The following FANCD2 variants were observed in gnomAD, a reference collection of about 807,000 sequenced individuals.
FANCD2 encodes FA complementation group D2.
In FANCD2, 131 loss-of-function variants were observed where a neutral mutation model predicts 192.3. The ratio of observed to expected loss-of-function variants is 0.68; its 90% CI spans 0.59 to 0.79. The LOEUF (loss-of-function observed/expected upper bound fraction) is 0.79, where lower values mean the gene tolerates loss of function less well. Ranked by LOEUF, FANCD2 falls within the 30% of genes least tolerant of loss-of-function variation. FANCD2 has a pLI of 0.00. For synonymous variants in FANCD2, 524 were observed against 612.5 expected, an observed-to-expected ratio of 0.86 and a Z score of 2.13; for missense variants, 1,508 against 1,701.6, an observed-to-expected ratio of 0.89 and a Z score of 2.00.
intron 7 of FANCD2, among the ~76,000 whole-genome samples, chr3:10,037,256 A>G (rs545076116): frequency 6.6e-6 from 1 of 152,242 alleles, no homozygotes; most frequent in Non-Finnish European, 1.5e-5. Flanking sequence ...CAATTTTGTT[A>G]GCAATCAAAG....
At chr3:10,074,483 A>C (rs899439910) in intron 28 of FANCD2, 47 bp from the exon 29 acceptor site, 18 of 1,546,718 alleles carry the variant, frequency 1.2e-5, no homozygotes, top group African/African-American at 2.8e-5. Flanking sequence ...AATTCGATTA[A>C]TATAGAAGAT....
intron 10 of FANCD2, among the ~76,000 whole-genome samples, chr3:10,042,247 C>G (rs752581355): frequency 2.4e-4 from 36 of 152,242 alleles, no homozygotes; most frequent in African/African-American, 5.8e-4. Flanking sequence ...TCCATGTTGT[C>G]TGAGTCATAC....
rs1434885226 is a variant in FANCD2 at position 10,073,255 on chromosome 3, A to G, written c.2608A>G (p.Arg870Gly). ...CTTTTCTCTTTTTAATATAAAAGAA[A>G]GGAAACAAAAAACAGATGGCAGCAA... is the stretch of plus-strand genomic sequence containing the variant. ...AKIRKKGKIE[R>G]KQKTDGSKTS... is the part of the protein sequence containing the mutation. Residue 870 changes from arginine to glycine, a missense_variant and splice_region_variant, in exon 28 of 44, where the codon AGG (arginine) becomes GGG (glycine). Around this residue, in one of 5 missense-constraint regions of FANCD2, gnomAD observed 796 missense variants for 879.4 expected, o/e 0.91. Coordinates refer to ENST00000675286, the MANE Select transcript of FANCD2 (RefSeq NM_001018115.3). The G allele has an allele frequency of 1.2e-6, 2 of 1,612,476 alleles. No homozygotes were observed. Among genetic ancestry groups the G allele is most frequent in the Non-Finnish European group, 1.7e-6 (2 of 1,178,660 alleles).
At chr3:10,045,053 G>A (rs554229234) in intron 14 of FANCD2, among the ~76,000 whole-genome samples, 8 of 118,428 alleles carry the variant, frequency 6.8e-5, no homozygotes, top group East Asian at 4.2e-4. Flanking sequence ...AATTTTTTTT[G>A]TTTTTTCTTG....
At chr3:10,089,697 A>C (rs34417922) in intron 36 of FANCD2, among the ~76,000 whole-genome samples, 2 of 152,160 alleles carry the variant, frequency 1.3e-5, no homozygotes, top group Admixed American at 1.3e-4. Context: ...CTTGAACCCA[A>C]CCTCAGGTGA....
chr3:10,028,150 G>A (rs1364471601), intron 1 of FANCD2, among the ~76,000 whole-genome samples: 6 of 151,820 alleles, frequency 4.0e-5, no homozygotes, highest in Admixed American at 6.6e-5. Context: ...TTCCTAGTAA[G>A]CCCTCATAGA....
intron 42 of FANCD2, among the ~76,000 whole-genome samples, chr3:10,097,419 C>G (rs538998482): frequency 6.6e-6 from 1 of 152,176 alleles, no homozygotes; most frequent in Non-Finnish European, 1.5e-5. Flanking sequence ...AGTTCAGAGA[C>G]CTACCCCTAG....
chr3:10,100,968 C>T (rs1695265178), intron 43 of FANCD2, among the ~76,000 whole-genome samples: 2 of 151,908 alleles, frequency 1.3e-5, no homozygotes, highest in Non-Finnish European at 2.9e-5. Flanking sequence ...ACTTGGGAGG[C>T]TGAGGCAGGG....
intron 16 of FANCD2, among the ~76,000 whole-genome samples, chr3:10,048,510 G>A (rs1169672058): frequency 5.9e-5 from 9 of 152,120 alleles, no homozygotes. Flanking sequence ...TCACCATGTT[G>A]GCCAGGCTGG....
At chr3:10,043,235 G>A (rs906082278) in intron 12 of FANCD2, 85 bp downstream of exon 12, 1 of 979,328 alleles carries the variant, frequency 1.0e-6, no homozygotes, top group Admixed American at 1.8e-5. Context: ...TACAAATAAT[G>A]ATACTATTAT....
intron 29 of FANCD2, among the ~76,000 whole-genome samples, chr3:10,077,394 A>G (rs1009588532): frequency 1.3e-5 from 2 of 152,052 alleles, no homozygotes; most frequent in African/African-American, 4.8e-5. Context: ...ATTTCTACTA[A>G]AAATACAAAA....
At position 10,094,404 on chromosome 3, in the gene FANCD2, G is replaced by A. The variant is rs756690093; in HGVS notation, c.3963+41G>A. On this transcript the variant is annotated intron_variant, in intron 40 of 43. Transcript: ENST00000675286. The stretch of plus-strand genomic sequence containing the variant: ...AGAGAACAAAGATATGCACTGAAGA[G>A]TTGCTCAGAAGATATGTCCTTGGTG... The A allele has an allele frequency of 6.5e-6, 10 of 1,537,190 alleles. No individual in the cohort carries two copies. In the Middle Eastern group the frequency reaches 1.0e-3, roughly 155 times the overall value.
intron 30 of FANCD2, among the ~76,000 whole-genome samples, chr3:10,080,549 T>C (rs757435802): frequency 6.6e-6 from 1 of 152,250 alleles, no homozygotes; most frequent in Non-Finnish European, 1.5e-5. Context: ...GATGGGTGGA[T>C]TGCTTGAGCT....
intron 30 of FANCD2, among the ~76,000 whole-genome samples, chr3:10,078,795 C>G (rs2125055721): frequency 6.6e-6 from 1 of 152,010 alleles, no homozygotes; most frequent in South Asian, 2.1e-4. Context: ...GAAACCCCAT[C>G]TCTACTAAAA....
chr3:10,058,130 T>C (rs34742948), intron 18 of FANCD2: 17 of 435,354 alleles, frequency 3.9e-5, no homozygotes, highest in East Asian at 3.4e-4. Context: ...TTTGTTCTTA[T>C]TGGTGTCTGT....
chr3:10,098,994 C>T lies in FANCD2; in HGVS notation c.4281+179C>T, dbSNP rs370459744. 1.3e-5 allele frequency: 21 copies of T among 1,613,844 alleles called. No individual in the cohort carries two copies. Among genetic ancestry groups the T allele is most frequent in the South Asian group, 4.4e-5 (4 of 91,056 alleles). On this transcript the variant is annotated intron_variant, in intron 43 of 43. Coordinates refer to ENST00000675286, the MANE Select transcript of FANCD2 (RefSeq NM_001018115.3). The stretch of plus-strand genomic sequence containing the variant: ...AATTTTTGGGACCCAGAAGAAACAA[C>T]GACACAATCTTAGAATCACTCCTGA...
intron 38 of FANCD2, among the ~76,000 whole-genome samples, chr3:10,092,684 CTTTTTTT>C (rs565351425): frequency 2.8e-5 from 2 of 72,050 alleles, no homozygotes; most frequent in South Asian, 5.0e-4. Context: ...TCTTTCATGT[CTTTTTTT>C]TTTTTTTTTT....
chr3:10,079,252 A>G (rs1693694632), intron 30 of FANCD2, among the ~76,000 whole-genome samples: 1 of 152,118 alleles, frequency 6.6e-6, no homozygotes, highest in South Asian at 2.1e-4. Context: ...TCAGAAATAA[A>G]AAAAAAAAAA....
rs1694893271 is a variant in FANCD2, at chr3:10,095,378, A to T, written c.4038+104A>T. On this transcript the variant is annotated intron_variant, in intron 41 of 43. Coordinates refer to ENST00000675286, the MANE Select transcript of FANCD2 (RefSeq NM_001018115.3). ...CCATCCTTCTTCCTTTATATCTGGG[A>T]CTGTGTCTGTCCAAAGGCAGTTTAT... 3.2e-6 allele frequency: 3 copies of T among 948,416 alleles called. No individual in the cohort carries two copies. In the Admixed American group the frequency reaches 5.9e-5, roughly 19 times the overall value. The allele number at this position is 948,416 out of a possible 1,614,324, so 58.8% of individuals were successfully genotyped here.
Sources: gnomAD v4.1 joint callset for allele counts (sites outside exome capture counted in the v4.1 genomes callset) on GRCh38, gnomAD v4.1.1 for gene constraint, gnomAD v4.1.1 regional missense constraint, MANE v1.5 for transcripts, NCBI Gene and HGNC (gene_info 2026-07-23, HGNC 2026-07-21) for gene names.